The following CLSTN2 variants were observed in gnomAD, a reference collection of about 807,000 sequenced individuals.
CLSTN2 encodes the protein calsyntenin-2.
CLSTN2 carries 48 observed loss-of-function variants against 101.2 expected under a neutral mutation model. That is an observed-to-expected ratio of 0.47 (90% CI 0.38 to 0.60). The LOEUF is 0.60. CLSTN2 is among the 20% of genes least tolerant of loss of function. CLSTN2 has a pLI of 0.00. For missense variants in CLSTN2, 1,160 were observed against 1,238.2 expected (o/e 0.94, Z 0.95); for synonymous variants, 481 against 463.6 (o/e 1.04, Z -0.48).
At chr3:140,206,331 C>A (rs1559806310) in intron 2 of CLSTN2, among the ~76,000 whole-genome samples, 1 of 152,146 alleles carries the variant, frequency 6.6e-6, no homozygotes, top group Admixed American at 6.5e-5. Flanking sequence ...TTGGGCTAGC[C>A]CTGCAGAGCT....
chr3:140,279,178 C>T (rs919848370), intron 2 of CLSTN2, among the ~76,000 whole-genome samples: 1 of 152,182 alleles, frequency 6.6e-6, no homozygotes, highest in Non-Finnish European at 1.5e-5. Flanking sequence ...CTGTACTCAT[C>T]CTATGCAGGA....
At chr3:140,064,553 T>C (rs1291745563) in intron 1 of CLSTN2, among the ~76,000 whole-genome samples, 1 of 152,180 alleles carries the variant, frequency 6.6e-6, no homozygotes, top group Admixed American at 6.5e-5. Flanking sequence ...CACCTATTAC[T>C]AGAACAACCA....
intron 9 of CLSTN2, among the ~76,000 whole-genome samples, chr3:140,539,845 C>A (rs979672792): frequency 2.6e-5 from 4 of 152,154 alleles, no homozygotes; most frequent in African/African-American, 9.7e-5. Context: ...CCACCAAAGC[C>A]CTCGCCCCTA....
At chr3:140,345,245 C>CTTTTTTTTTTTTTTTTTTT (rs569774722) in intron 2 of CLSTN2, among the ~76,000 whole-genome samples, 1 of 135,992 alleles carries the variant, frequency 7.4e-6, no homozygotes, top group Non-Finnish European at 1.6e-5. Flanking sequence ...TGGATATAGC[C>CTTTTTTTTTTTTTTTTTTT]TTTTTTTCTT....
chr3:140,153,220 G>T lies in CLSTN2; in HGVS notation c.110-22731G>T, dbSNP rs76717061. Among the ~76,000 whole-genome samples the T allele has an allele frequency of 6.3e-3, 955 of 152,358 alleles. 4 individuals are homozygous for T. Among genetic ancestry groups the T allele is most frequent in the African/African-American group, 0.02 (827 of 41,588 alleles). On this transcript the variant is annotated intron_variant, in intron 1 of 16. Transcript: ENST00000458420. ...TCTATAGCTTGTGTAGCCAGGGGCT[G>T]CTTTATAAAGATGTAGGAGTGGAGG...
intron 8 of CLSTN2, among the ~76,000 whole-genome samples, chr3:140,479,897 A>G (rs922327186): frequency 3.9e-5 from 6 of 152,196 alleles, no homozygotes; most frequent in African/African-American, 1.2e-4. Context: ...CAAAGAAAGC[A>G]ATACCTAATC....
At chr3:140,311,375 G>A (rs1398604659) in intron 2 of CLSTN2, among the ~76,000 whole-genome samples, 2 of 119,048 alleles carry the variant, frequency 1.7e-5, no homozygotes, top group Non-Finnish European at 3.2e-5. Context: ...GCCTGATCTT[G>A]GCTCACTGCA....
chr3:139,935,384 G>T lies in CLSTN2; in HGVS notation c.10G>T (p.Gly4Trp). 2 of 1,229,564 alleles carry T rather than the reference G, an allele frequency of 1.6e-6. No individual in the cohort carries two copies. The allele number at this position is 1,229,564 out of a possible 1,614,324, so 76.2% of individuals were successfully genotyped here. A position where few individuals can be genotyped will look rare whatever the true frequency, so the allele number is the denominator to read the frequency against. Reference protein sequence around the residue: MLPGRLCWVPLLLA... With the variant: MLPWRLCWVPLLLA... ...GGCGGCTGCTGCGAGGATGCTGCCT[G>T]GGCGGCTGTGCTGGGTGCCGCTCCT... The change falls in exon 1 of 17, where the codon GGG (glycine) becomes TGG (tryptophan). Residue 4 changes from glycine (G) to tryptophan (W), a missense_variant. Coordinates refer to ENST00000458420, the MANE Select transcript of CLSTN2 (RefSeq NM_022131.3). The surrounding 1 kb of genome is among the most constrained non-coding windows in gnomAD (Gnocchi z 5.5).
At position 140,165,899 on chromosome 3, in the gene CLSTN2, G is replaced by T. The variant is rs980964880; in HGVS notation, c.110-10052G>T. On this transcript the variant is annotated intron_variant, in intron 1 of 16. Coordinates refer to ENST00000458420, the MANE Select transcript of CLSTN2 (RefSeq NM_022131.3). ...GTTGGAGGAGAATAACTATTGAAAG[G>T]CTTCACTTGGCAGCCTCACACACCC... 2.0e-5 allele frequency among the ~76,000 whole-genome samples: 3 copies of T among 152,102 alleles called. No homozygotes were observed. The South Asian group carries it at 6.2e-4, about 32-fold the overall frequency.
rs1559909016 is a variant in CLSTN2, at chr3:140,572,136, A to T, written c.*5883A>T. 2 of 152,278 alleles carry T rather than the reference A, an allele frequency of 1.3e-5. No individual in the cohort carries two copies. Among genetic ancestry groups the T allele is most frequent in the South Asian group, 2.1e-4 (1 of 4,832 alleles). 9.4% of individuals were successfully genotyped at this position (152,278 alleles called of 1,614,324 possible). The stretch of plus-strand genomic sequence containing the variant: ...CACGAGCAGTCAGGACTTTGGGGAC[A>T]GAAGTTTAGTGTTAGGGAGGCAGGG... On this transcript the variant is annotated 3_prime_UTR_variant, in exon 17 of 17. Transcript: ENST00000458420.
chr3:140,068,004 A>G (rs2107775622), intron 1 of CLSTN2, among the ~76,000 whole-genome samples: 1 of 152,336 alleles, frequency 6.6e-6, no homozygotes, highest in Non-Finnish European at 1.5e-5. Context: ...GCTGGACACT[A>G]TGGACACAGC....
intron 2 of CLSTN2, among the ~76,000 whole-genome samples, chr3:140,401,487 C>G (rs1207450072): frequency 6.6e-6 from 1 of 152,156 alleles, no homozygotes; most frequent in Non-Finnish European, 1.5e-5. Context: ...TCTTGTCTTC[C>G]CTTTGTATCT....
intron 2 of CLSTN2, among the ~76,000 whole-genome samples, chr3:140,201,863 T>C (rs1456642253): frequency 6.6e-6 from 1 of 151,768 alleles, no homozygotes; most frequent in Non-Finnish European, 1.5e-5. Context: ...ATAAGTTAGA[T>C]ACAAAATGAG....
intron 1 of CLSTN2, among the ~76,000 whole-genome samples, chr3:140,000,779 C>A (rs1382875802): frequency 6.6e-6 from 1 of 152,188 alleles, no homozygotes; most frequent in Non-Finnish European, 1.5e-5. Context: ...CCTATATTAT[C>A]TTTCCTTTCT....
intron 1 of CLSTN2, among the ~76,000 whole-genome samples, chr3:140,122,649 G>A (rs551949025): frequency 1.3e-5 from 2 of 152,296 alleles, no homozygotes; most frequent in South Asian, 2.1e-4. Flanking sequence ...CGTGCAGAGA[G>A]TGTCTGTCTG....
At chr3:139,995,926 T>G (rs1366228597) in intron 1 of CLSTN2, among the ~76,000 whole-genome samples, 4 of 152,236 alleles carry the variant, frequency 2.6e-5, no homozygotes, top group African/African-American at 9.6e-5. Context: ...TTATTTTCAT[T>G]ATGTACTATT....
At chr3:140,502,146 A>AT (rs1336614478) in intron 8 of CLSTN2, among the ~76,000 whole-genome samples, 1 of 152,240 alleles carries the variant, frequency 6.6e-6, no homozygotes, top group African/African-American at 2.4e-5. Flanking sequence ...GAAGGGTAAA[A>AT]TAAAAAAAAG....
At chr3:140,341,586 A>G (rs2087493533) in intron 2 of CLSTN2, among the ~76,000 whole-genome samples, 1 of 152,192 alleles carries the variant, frequency 6.6e-6, no homozygotes, top group Non-Finnish European at 1.5e-5. Context: ...AGCCACCTGC[A>G]AACACCCCAG....
intron 1 of CLSTN2, among the ~76,000 whole-genome samples, chr3:139,986,092 A>G (rs1936016321): frequency 6.6e-6 from 1 of 152,134 alleles, no homozygotes; most frequent in Admixed American, 6.5e-5. Flanking sequence ...TTCTCAAGTC[A>G]TGGTAACCTT....
Sources: allele counts gnomAD v4.1 joint callset (sites outside exome capture counted in the v4.1 genomes callset), GRCh38; gene constraint gnomAD v4.1.1; non-coding constraint Gnocchi (gnomAD v3.1); transcripts MANE v1.5; gene names NCBI Gene and HGNC (gene_info 2026-07-23, HGNC 2026-07-21).